Variants in PIGH observed in about 807,000 individuals in gnomAD.
PIGH encodes phosphatidylinositol glycan anchor biosynthesis class H, also known as phosphatidylinositol N-acetylglucosaminyltransferase subunit H.
A neutral mutation model predicts 20.1 loss-of-function variants in PIGH; 11 were observed. The ratio of observed to expected loss-of-function variants is 0.55; its 90% CI spans 0.34 to 0.91. The LOEUF is 0.91. PIGH is among the 40% of genes least tolerant of loss of function. The pLI, the probability that PIGH is intolerant of heterozygous loss-of-function variation, is 0.02. For synonymous variants in PIGH, 72 were observed against 93.1 expected (o/e 0.77, Z 1.31); for missense variants, 189 against 233.6 (o/e 0.81, Z 1.24).
At chr14:67,592,766 G>A (rs764263409) in intron 2 of PIGH, 48 bp from the exon 3 acceptor site, 2 of 1,135,490 alleles carry the variant, frequency 1.8e-6, no homozygotes, top group Non-Finnish European at 2.6e-6. Context: ...AACTCATTTT[G>A]CATTCTTTTT....
intron 3 of PIGH, chr14:67,592,124 TTTGA>T (rs1157048196): frequency 1.7e-5 from 3 of 177,630 alleles, no homozygotes; most frequent in Non-Finnish European, 3.7e-5. Context: ...TTGCTATATA[TTTGA>T]TTGTGTTCTT....
At chr14:67,597,043 T>C (rs554060593) in intron 1 of PIGH, among the ~76,000 whole-genome samples, 5 of 152,358 alleles carry the variant, frequency 3.3e-5, no homozygotes, top group Middle Eastern at 6.8e-3. Context: ...TGTAAACTAT[T>C]TGGGCCTGTG....
rs201381653 is a variant in PIGH, at chr14:67,600,039, G to C, written c.165C>G (p.Leu55=). 1 of 1,573,352 alleles carries C rather than the reference G, an allele frequency of 6.4e-7. No individual in the cohort carries two copies. The highest frequency in any genetic ancestry group is 1.9e-5 in the Admixed American group (1 of 53,844). The change falls in exon 1 of 4, where the codon CTC becomes CTG. Residue 55 remains leucine, a synonymous_variant. Coordinates refer to ENST00000216452, the MANE Select transcript of PIGH (RefSeq NM_004569.5). ...TCTVWLAAYG[L]FTLCENSMIL... Reference sequence around the variant, plus strand: ...TTGCCATTACCTCGCAGAGGGTGAAGAGTCCGTAGGCCGCCAGCCACACCG... The same window carrying C: ...TTGCCATTACCTCGCAGAGGGTGAACAGTCCGTAGGCCGCCAGCCACACCG...
In PIGH at chr14:67,589,946, C is replaced by T; in HGVS notation, c.*134G>A. 7.4e-7 allele frequency: 1 copy of T among 1,346,274 alleles called. No homozygotes were observed. Among genetic ancestry groups the T allele is most frequent in the Non-Finnish European group, 9.6e-7 (1 of 1,046,220 alleles). The allele number at this position is 1,346,274 out of a possible 1,614,324, so 83.4% of individuals were successfully genotyped here. On this transcript the variant is annotated 3_prime_UTR_variant, in exon 4 of 4. Coordinates refer to ENST00000216452, the MANE Select transcript of PIGH (RefSeq NM_004569.5). Reference sequence around the variant, plus strand: ...AGATTTCCAGTCACCTGCTCTATGGCTCTAAGATGCACTACATCCATAATG... The same window carrying T: ...AGATTTCCAGTCACCTGCTCTATGGTTCTAAGATGCACTACATCCATAATG...
At chr14:67,590,222 G>A in intron 3 of PIGH, 50 bp from the exon 4 acceptor site, 1 of 1,409,108 alleles carries the variant, frequency 7.1e-7, no homozygotes, top group Non-Finnish European at 9.5e-7. Flanking sequence ...ATATAAGGGA[G>A]TGCAGTGGTG....
Position 67,593,827 on chromosome 14 carries a change from T to G in PIGH, c.306A>C (p.Ser102=). 1 of 1,613,236 alleles carries G rather than the reference T, an allele frequency of 6.2e-7. No individual in the cohort carries two copies. ...IIDSLGIQMT[S]SYASGKESTT... ...TGCTTTCTTTGCCTGAAGCATAAGA[T>G]GAAGTCATCTGAATGCCAAGGGAAT... is the stretch of plus-strand genomic sequence containing the variant. The change falls in exon 2 of 4, where the codon TCA becomes TCC. Residue 102 remains serine (S), a synonymous_variant. Coordinates refer to ENST00000216452, the MANE Select transcript of PIGH (RefSeq NM_004569.5).
rs918596685 is a variant in PIGH at position 67,589,794 on chromosome 14, C to T, written c.*286G>A. On this transcript the variant is annotated 3_prime_UTR_variant, in exon 4 of 4. Coordinates refer to ENST00000216452, the MANE Select transcript of PIGH (RefSeq NM_004569.5). ...AAACCTGAACATGCTTAGCAATTTCCGAAAGTGTTCTTTGCTGACATTACT... is the reference window on the plus strand; with the variant it reads ...AAACCTGAACATGCTTAGCAATTTCTGAAAGTGTTCTTTGCTGACATTACT... 17 of 1,105,992 alleles carry T rather than the reference C, an allele frequency of 1.5e-5. No individual in the cohort carries two copies. Among genetic ancestry groups the T allele is most frequent in the Admixed American group, 1.5e-4 (3 of 20,266 alleles). 68.5% of individuals were successfully genotyped at this position (1,105,992 alleles called of 1,614,324 possible). A position where few individuals can be genotyped will look rare whatever the true frequency, so the allele number is the denominator to read the frequency against.
In PIGH at chr14:67,590,168, G is replaced by C. The variant is rs1195015019; in HGVS notation, c.479C>G (p.Ala160Gly). The C allele has an allele frequency of 6.5e-7, 1 of 1,549,796 alleles. No homozygotes were observed. The highest frequency in any genetic ancestry group is 2.4e-5 in the East Asian group (1 of 40,902). ...ISQVVPVFQS[A>G]KPRLDCLIEV... ...AATCAAGCAGTCCAGCCGGGGCTTG[G>C]CACTCTGAATTCCAAAGGGGAGAAA... The change falls in exon 4 of 4, where the codon GCC becomes GGC. Residue 160 changes from alanine to glycine, a missense_variant. Ala to Gly is a moderately conservative substitution (Grantham distance 60, BLOSUM62 0). Transcript: ENST00000216452.
intron 1 of PIGH, 52 bp downstream of exon 1, chr14:67,599,972 C>T: frequency 6.8e-7 from 1 of 1,477,198 alleles, no homozygotes. Flanking sequence ...AAAGACCCTC[C>T]CAAAGCCGAA....
chr14:67,598,868 C>A (rs1320506501), intron 1 of PIGH, among the ~76,000 whole-genome samples: 1 of 152,086 alleles, frequency 6.6e-6, no homozygotes, highest in Non-Finnish European at 1.5e-5. Flanking sequence ...CACCACCACA[C>A]CCAGCTAATG....
Position 67,595,861 on chromosome 14 carries a change from G to A in PIGH, c.181-1909C>T, listed in dbSNP as rs547302619. Among the ~76,000 whole-genome samples, 18 of 152,300 alleles carry A rather than the reference G, an allele frequency of 1.2e-4. 1 individual carries two copies. The South Asian group carries it at 3.5e-3, about 30-fold the overall frequency. ...AAGATGACAAGAGCCGGAATCAAAT[G>A]AGTCTCCACGTGAACTCTGGAGCCC... On this transcript the variant is annotated intron_variant, in intron 1 of 3. Coordinates refer to ENST00000216452, the MANE Select transcript of PIGH (RefSeq NM_004569.5).
At position 67,600,258 on chromosome 14, in the gene PIGH, C is replaced by T; in HGVS notation, c.-55G>A. ...CGGCGCTGCACTGCGCTCGCCGGCCCTGGCCGTCTCGCCCGCTCCAGACCC... is the reference window on the plus strand; with the variant it reads ...CGGCGCTGCACTGCGCTCGCCGGCCTTGGCCGTCTCGCCCGCTCCAGACCC... On this transcript the variant is annotated 5_prime_UTR_variant, in exon 1 of 4. Transcript: ENST00000216452. 7.0e-7 allele frequency: 1 copy of T among 1,418,812 alleles called. No individual in the cohort carries two copies. Among genetic ancestry groups the T allele is most frequent in the South Asian group, 1.4e-5 (1 of 70,668 alleles). 87.9% of individuals were successfully genotyped at this position (1,418,812 alleles called of 1,614,324 possible). A position where few individuals can be genotyped will look rare whatever the true frequency, so the allele number is the denominator to read the frequency against.
intron 1 of PIGH, among the ~76,000 whole-genome samples, chr14:67,594,925 G>A (rs1354179701): frequency 3.3e-5 from 5 of 152,030 alleles, no homozygotes; most frequent in East Asian, 3.9e-4. Flanking sequence ...CGAGGCGGGC[G>A]GATCACGAGG....
At chr14:67,596,800 T>C (rs949931349) in intron 1 of PIGH, among the ~76,000 whole-genome samples, 2 of 152,208 alleles carry the variant, frequency 1.3e-5, no homozygotes, top group African/African-American at 2.4e-5. Flanking sequence ...TTTGGGTAAT[T>C]TTCCATCCAC....
At position 67,600,129 on chromosome 14, in the gene PIGH, G is replaced by A. The variant is rs570530007; in HGVS notation, c.75C>T (p.Ser25=). 2.4e-5 allele frequency: 38 copies of A among 1,596,242 alleles called. No homozygotes were observed. The South Asian group carries it at 4.0e-4, about 17-fold the overall frequency. ...GGCAGCTGAGGCAGAATTCCCGGCAGGACGGGGAGTAGTAGCGGCGCTGCA... is the reference window on the plus strand; with the variant it reads ...GGCAGCTGAGGCAGAATTCCCGGCAAGACGGGGAGTAGTAGCGGCGCTGCA... The part of the protein sequence containing the change: ...LALQRRYYSP[S]CREFCLSCPR... The change falls in exon 1 of 4, where the codon TCC becomes TCT. Residue 25 remains serine (S), a synonymous_variant. Coordinates refer to ENST00000216452, the MANE Select transcript of PIGH (RefSeq NM_004569.5).
intron 1 of PIGH, 82 bp downstream of exon 1, chr14:67,599,942 C>G: frequency 8.2e-7 from 1 of 1,219,232 alleles, no homozygotes; most frequent in Non-Finnish European, 1.1e-6. Context: ...ACCAGAGGTC[C>G]GGGCTCGACC....
At chr14:67,596,863 C>T (rs549428714) in intron 1 of PIGH, among the ~76,000 whole-genome samples, 3 of 152,314 alleles carry the variant, frequency 2.0e-5, no homozygotes, top group South Asian at 4.1e-4. Context: ...ATGCTATATT[C>T]GGAACTGAGG....
intron 1 of PIGH, 143 bp from the exon 2 acceptor site, chr14:67,594,095 TC>T: frequency 1.6e-6 from 1 of 618,042 alleles, no homozygotes; most frequent in Non-Finnish European, 2.9e-6. Context: ...GTGAAACAGA[TC>T]CAGACAACAA....
At chr14:67,594,845 A>C (rs967711875) in intron 1 of PIGH, among the ~76,000 whole-genome samples, 1 of 152,182 alleles carries the variant, frequency 6.6e-6, no homozygotes, top group Non-Finnish European at 1.5e-5. Context: ...CCTACCTTAA[A>C]CGTGCTCAGA....
Sources: gnomAD v4.1 joint callset for allele counts (sites outside exome capture counted in the v4.1 genomes callset) on GRCh38, gnomAD v4.1.1 for gene constraint, MANE v1.5 for transcripts, NCBI Gene and HGNC (gene_info 2026-07-23, HGNC 2026-07-21) for gene names.